The following UBE3D variants were observed in gnomAD, a reference collection of about 807,000 sequenced individuals.
The protein encoded by UBE3D is E3 ubiquitin-protein ligase E3D.
UBE3D carries 48 observed loss-of-function variants against 49.6 expected under a neutral mutation model. The ratio of observed to expected loss-of-function variants is 0.97; its 90% confidence interval spans 0.77 to 1.23. UBE3D has a LOEUF of 1.23. Among genes scored for constraint, UBE3D ranks in the 50% most tolerant of loss-of-function variants. UBE3D has a pLI of 0.00. For synonymous variants in UBE3D, 189 were observed against 174.2 expected (o/e 1.08, Z -0.67); for missense variants, 452 against 468.4 (o/e 0.96, Z 0.32).
Position 83,022,434 on chromosome 6 carries a change from G to GGA in UBE3D, c.846+17_846+18dup, listed in dbSNP as rs757432701. 1.3e-6 allele frequency: 2 copies of GGA among 1,500,876 alleles called. No homozygotes were observed. Among genetic ancestry groups the GGA allele is most frequent in the South Asian group, 2.5e-5 (2 of 79,230 alleles). The allele number at this position is 1,500,876 out of a possible 1,614,324, so 93.0% of individuals were successfully genotyped here. A position where few individuals can be genotyped will look rare whatever the true frequency, so the allele number is the denominator to read the frequency against. ...TTGGATTCCTAGGCTACAAAAAGCT[G>GGA]GATAAAATAATTTCTTACCAAGATA... On this transcript the variant is annotated intron_variant, in intron 7 of 9. Coordinates refer to ENST00000369747, the MANE Select transcript of UBE3D (RefSeq NM_198920.3).
the UBE3D span, among the ~76,000 whole-genome samples, chr6:82,883,234 G>A: frequency 1.3e-5 from 2 of 152,110 alleles, no homozygotes; most frequent in African/African-American, 4.8e-5. Context: ...GAGGAATAAG[G>A]AAAATGTCTC....
chr6:82,885,538 G>C, the UBE3D span, among the ~76,000 whole-genome samples: 2 of 152,138 alleles, frequency 1.3e-5, no homozygotes, highest in African/African-American at 4.8e-5. Context: ...CCATTTTAAA[G>C]ATGAGCTTAA....
intron 8 of UBE3D, among the ~76,000 whole-genome samples, chr6:82,968,283 C>T (rs1056787798): frequency 1.3e-5 from 2 of 151,688 alleles, no homozygotes; most frequent in Admixed American, 1.3e-4. Context: ...ACTGCATTCT[C>T]CCCCTTTTAA....
intron 9 of UBE3D, among the ~76,000 whole-genome samples, chr6:82,942,382 C>T (rs898949980): frequency 6.6e-6 from 1 of 152,160 alleles, no homozygotes; most frequent in African/African-American, 2.4e-5. Flanking sequence ...AACCCATATT[C>T]TGGGAAAAAA....
chr6:82,996,764 C>A (rs1196656547), intron 8 of UBE3D, among the ~76,000 whole-genome samples: 1 of 152,094 alleles, frequency 6.6e-6, no homozygotes, highest in Non-Finnish European at 1.5e-5. Flanking sequence ...CTACAAAATG[C>A]CTAACCAATA....
chr6:83,042,594 T>C (rs1782751394), intron 4 of UBE3D, among the ~76,000 whole-genome samples: 2 of 152,268 alleles, frequency 1.3e-5, no homozygotes, highest in South Asian at 4.1e-4. Flanking sequence ...AAGACAGACA[T>C]TGTTGTGCAC....
At chr6:82,889,884 G>A (rs944560026), downstream of UBE3D, among the ~76,000 whole-genome samples, 12 of 151,034 alleles carry the variant, frequency 7.9e-5, no homozygotes, top group African/African-American at 2.7e-4. Context: ...ATGAGTGGCC[G>A]ACAGAAGTTT....
intron 9 of UBE3D, among the ~76,000 whole-genome samples, chr6:82,956,240 A>C (rs1316174271): frequency 6.6e-6 from 1 of 152,184 alleles, no homozygotes; most frequent in East Asian, 1.9e-4. Flanking sequence ...TTTCTCAGCA[A>C]CGTAGGTTGT....
chr6:83,008,284 T>A (rs1424434446), intron 8 of UBE3D, among the ~76,000 whole-genome samples: 2 of 151,656 alleles, frequency 1.3e-5, no homozygotes, highest in Non-Finnish European at 3.0e-5. Flanking sequence ...AGTCTACACA[T>A]GAGGCCACAG....
At chr6:82,979,341 T>C (rs1359764739) in intron 8 of UBE3D, among the ~76,000 whole-genome samples, 1 of 152,156 alleles carries the variant, frequency 6.6e-6, no homozygotes, top group East Asian at 1.9e-4. Context: ...ATTGTGTTAA[T>C]TTTCTATGAT....
downstream of UBE3D, among the ~76,000 whole-genome samples, chr6:82,887,511 C>T (rs898173030): frequency 1.1e-4 from 17 of 149,686 alleles, no homozygotes; most frequent in African/African-American, 4.0e-4. Flanking sequence ...GCGCTCGAGA[C>T]CAGTCTGGCC....
At chr6:83,049,699 A>C (rs968397386) in intron 3 of UBE3D, 1 of 466,976 alleles carries the variant, frequency 2.1e-6, no homozygotes, top group African/African-American at 2.0e-5. Flanking sequence ...GACACCTAGC[A>C]CTACCTTACC....
intron 3 of UBE3D, 62 bp from the exon 4 acceptor site, chr6:83,044,721 A>T (rs1782912153): frequency 3.8e-6 from 5 of 1,315,094 alleles, no homozygotes; most frequent in Non-Finnish European, 5.4e-6. Flanking sequence ...TTTCTTAATT[A>T]AATGACCATA....
intron 5 of UBE3D, chr6:83,032,155 T>C (rs187342719): frequency 5.5e-5 from 25 of 455,336 alleles, no homozygotes; most frequent in Admixed American, 5.4e-4. Flanking sequence ...CCCAGAATGA[T>C]AGATCCATAG....
chr6:82,965,348 C>G (rs1226717916), intron 8 of UBE3D, among the ~76,000 whole-genome samples: 2 of 152,046 alleles, frequency 1.3e-5, no homozygotes, highest in Non-Finnish European at 2.9e-5. Context: ...CTTTGGGAGG[C>G]CGAGGCCAGT....
chr6:82,971,949 G>C (rs1351440556), intron 8 of UBE3D, among the ~76,000 whole-genome samples: 1 of 152,116 alleles, frequency 6.6e-6, no homozygotes, highest in Non-Finnish European at 1.5e-5. Context: ...ATAACAAATA[G>C]GTTCTCTTCA....
intron 5 of UBE3D, among the ~76,000 whole-genome samples, chr6:83,029,720 G>A (rs1781732701): frequency 6.6e-6 from 1 of 152,198 alleles, no homozygotes; most frequent in Admixed American, 6.5e-5. Context: ...CTCTTCTGAA[G>A]GTTGTTGGTT....
chr6:83,020,484 AG>A (rs566566534), intron 7 of UBE3D, among the ~76,000 whole-genome samples: 75 of 152,306 alleles, frequency 4.9e-4, no homozygotes, highest in Non-Finnish European at 8.2e-4. Flanking sequence ...ATAGCAAGGC[AG>A]GAAAGGGAAC....
intron 9 of UBE3D, among the ~76,000 whole-genome samples, chr6:82,935,290 G>C (rs1410357186): frequency 6.6e-6 from 1 of 151,972 alleles, no homozygotes; most frequent in African/African-American, 2.4e-5. Context: ...AACTCAGAGC[G>C]AGTGCTCACT....
Sources: allele counts gnomAD v4.1 joint callset (sites outside exome capture counted in the v4.1 genomes callset), GRCh38; gene constraint gnomAD v4.1.1; transcripts MANE v1.5; gene names NCBI Gene and HGNC (gene_info 2026-07-23, HGNC 2026-07-21).